Variants in AUTS2 observed in about 807,000 individuals in gnomAD.
The protein encoded by AUTS2 is autism susceptibility gene 2 protein.
A neutral mutation model predicts 112.4 loss-of-function variants in AUTS2; 17 were observed. That is an observed-to-expected ratio of 0.15 (90% CI 0.10 to 0.23). The LOEUF is 0.23. AUTS2 is among the 10% of genes least tolerant of loss of function. AUTS2 has a pLI of 1.00. For missense variants in AUTS2, 1,510 were observed against 1,701.6 expected (o/e 0.89, Z 1.98); for synonymous variants, 751 against 702.7 (o/e 1.07, Z -1.09).
intron 5 of AUTS2, among the ~76,000 whole-genome samples, chr7:70,692,996 T>C (rs1283517220): frequency 6.6e-6 from 1 of 152,142 alleles, no homozygotes. Context: ...AGTTTTCCTC[T>C]CACCCCACCT....
intron 2 of AUTS2, among the ~76,000 whole-genome samples, chr7:69,905,384 C>T (rs1354068002): frequency 6.6e-6 from 1 of 152,048 alleles, no homozygotes; most frequent in African/African-American, 2.4e-5. Flanking sequence ...GGAATTTGTT[C>T]ACATGATTAT....
At chr7:70,588,229 G>A (rs1204846505) in intron 5 of AUTS2, among the ~76,000 whole-genome samples, 6 of 152,142 alleles carry the variant, frequency 3.9e-5, no homozygotes, top group African/African-American at 1.2e-4. Context: ...GAAAGAAATC[G>A]GTGTGGTGCC....
At chr7:70,226,791 G>A (rs747939556) in intron 4 of AUTS2, among the ~76,000 whole-genome samples, 34 of 152,108 alleles carry the variant, frequency 2.2e-4, no homozygotes, top group Non-Finnish European at 3.5e-4. Flanking sequence ...TCCATTGTAT[G>A]ATGAAGACAT....
At position 69,599,473 on chromosome 7, in the gene AUTS2, T is replaced by C; in HGVS notation, c.-181T>C. The stretch of plus-strand genomic sequence containing the variant: ...CTCCCCTCTCTCCGCCCCTTCCCCC[T>C]TTTCTTTCTCCTCTCTTTCTTCCCC... On this transcript the variant is annotated 5_prime_UTR_variant, in exon 1 of 19. Coordinates refer to ENST00000342771, the MANE Select transcript of AUTS2 (RefSeq NM_015570.4). The surrounding 1 kb of genome is among the most constrained non-coding windows in gnomAD (Gnocchi z 7.0). 2 of 448,302 alleles carry C rather than the reference T, an allele frequency of 4.5e-6. No homozygotes were observed. Among genetic ancestry groups the C allele is most frequent in the Non-Finnish European group, 6.9e-6 (2 of 288,484 alleles). The allele number at this position is 448,302 out of a possible 1,614,324, so 27.8% of individuals were successfully genotyped here.
chr7:70,076,828 T>C (rs1040462704), intron 2 of AUTS2, among the ~76,000 whole-genome samples: 3 of 152,172 alleles, frequency 2.0e-5, no homozygotes, highest in Non-Finnish European at 4.4e-5. Context: ...ATACAAATTG[T>C]GAAAACATAG....
At chr7:70,066,298 C>T (rs1430961491) in intron 2 of AUTS2, among the ~76,000 whole-genome samples, 2 of 152,120 alleles carry the variant, frequency 1.3e-5, no homozygotes, top group Admixed American at 1.3e-4. Flanking sequence ...TTTCACTTAC[C>T]AAATTATGTT....
chr7:70,707,288 G>A lies in AUTS2; in HGVS notation c.742+8668G>A, dbSNP rs534778031. The stretch of plus-strand genomic sequence containing the variant: ...AGCATTTATTGAGGACTTTCTTTTT[G>A]CTAGGTATTGTTCACTTTATATGTA... On this transcript the variant is annotated intron_variant, in intron 6 of 18. Coordinates refer to ENST00000342771, the MANE Select transcript of AUTS2 (RefSeq NM_015570.4). Among the ~76,000 whole-genome samples the A allele has an allele frequency of 3.8e-3, 586 of 152,280 alleles. 1 individual carries two copies. The highest frequency in any genetic ancestry group is 7.0e-3 in the Non-Finnish European group (474 of 68,014).
At chr7:70,449,978 G>A (rs1022141249) in intron 5 of AUTS2, among the ~76,000 whole-genome samples, 3 of 152,124 alleles carry the variant, frequency 2.0e-5, no homozygotes, top group Non-Finnish European at 4.4e-5. Context: ...TACATATCTA[G>A]GGTACAAAAT....
chr7:69,779,048 TTTAAAAAAAA>T (rs1349799247), intron 1 of AUTS2, among the ~76,000 whole-genome samples: 1 of 134,746 alleles, frequency 7.4e-6, no homozygotes, highest in African/African-American at 2.9e-5. Context: ...CCTTTTTTTT[TTTAAAAAAAA>T]AAAAAAAAAA....
intron 1 of AUTS2, among the ~76,000 whole-genome samples, chr7:69,611,740 C>T (rs1237017026): frequency 1.3e-5 from 2 of 151,210 alleles, no homozygotes; most frequent in Non-Finnish European, 2.9e-5. Flanking sequence ...ACCATCCTGG[C>T]TAACAAGGTG....
At chr7:70,206,273 G>A (rs777928489) in intron 4 of AUTS2, among the ~76,000 whole-genome samples, 160 of 152,088 alleles carry the variant, frequency 1.1e-3, no homozygotes, top group Non-Finnish European at 1.8e-3. Context: ...TCTATGTATG[G>A]TGATGAGGTT....
intron 2 of AUTS2, among the ~76,000 whole-genome samples, chr7:70,010,388 C>G (rs1799742961): frequency 6.6e-6 from 1 of 152,180 alleles, no homozygotes; most frequent in Non-Finnish European, 1.5e-5. Flanking sequence ...TTAAGCAATC[C>G]TCCTGCTTCG....
At chr7:70,363,540 TAGAA>T (rs976350083) in intron 4 of AUTS2, among the ~76,000 whole-genome samples, 19 of 151,916 alleles carry the variant, frequency 1.3e-4, no homozygotes, top group Admixed American at 2.6e-4. Flanking sequence ...ATTAATTTCT[TAGAA>T]AGAATTATTT....
intron 5 of AUTS2, among the ~76,000 whole-genome samples, chr7:70,475,710 G>C (rs1305514731): frequency 6.6e-5 from 10 of 152,312 alleles, no homozygotes; most frequent in African/African-American, 2.2e-4. Context: ...GGAATGTATA[G>C]TCTGAGTGGG....
At chr7:69,712,372 T>C (rs1798366853) in intron 1 of AUTS2, among the ~76,000 whole-genome samples, 1 of 152,214 alleles carries the variant, frequency 6.6e-6, no homozygotes, top group Non-Finnish European at 1.5e-5. Flanking sequence ...GAATACTTAC[T>C]TCTACTTCTC....
intron 1 of AUTS2, among the ~76,000 whole-genome samples, chr7:69,845,901 C>T (rs1584331049): frequency 6.6e-6 from 1 of 152,202 alleles, no homozygotes; most frequent in Admixed American, 6.5e-5. Context: ...TGTTCTGACA[C>T]TGACTGTGGA....
At chr7:70,260,085 G>A (rs1425156128) in intron 4 of AUTS2, among the ~76,000 whole-genome samples, 1 of 151,902 alleles carries the variant, frequency 6.6e-6, no homozygotes, top group East Asian at 1.9e-4. Flanking sequence ...ATAATTTATG[G>A]CCAGGCGCGG....
intron 18 of AUTS2, among the ~76,000 whole-genome samples, chr7:70,787,639 G>A (rs1028872698): frequency 8.5e-5 from 13 of 152,094 alleles, no homozygotes; most frequent in African/African-American, 1.2e-4. Context: ...CAGAGCTAGC[G>A]ACAGATTCCT....
At chr7:69,603,414 A>G (rs1273363465) in intron 1 of AUTS2, among the ~76,000 whole-genome samples, 1 of 152,240 alleles carries the variant, frequency 6.6e-6, no homozygotes, top group Non-Finnish European at 1.5e-5. Flanking sequence ...AGTAAAAGTG[A>G]TAACTTGCCT....
Sources: allele counts gnomAD v4.1 joint callset (sites outside exome capture counted in the v4.1 genomes callset), GRCh38; gene constraint gnomAD v4.1.1; non-coding constraint Gnocchi (gnomAD v3.1); transcripts MANE v1.5; gene names NCBI Gene and HGNC (gene_info 2026-07-23, HGNC 2026-07-21).